Variants in METTL24 observed in about 807,000 individuals in gnomAD.
METTL24 encodes probable methyltransferase-like protein 24.
METTL24 carries 29 observed loss-of-function variants against 32.7 expected under a neutral mutation model. The ratio of observed to expected loss-of-function variants is 0.89; its 90% confidence interval spans 0.66 to 1.21. The LOEUF is 1.21. Ranked by LOEUF, METTL24 falls within the 50% of genes most tolerant of loss-of-function variation. The probability of loss-of-function intolerance (pLI) is 0.00; values close to 1 mark genes in which losing one functional copy is unlikely to be tolerated. For synonymous variants in METTL24, 163 were observed against 179.5 expected, an observed-to-expected ratio of 0.91 and a Z score of 0.73; for missense variants, 439 against 468.1, an observed-to-expected ratio of 0.94 and a Z score of 0.57.
At chr6:110,265,419 C>A (rs1418861533) in intron 4 of METTL24, among the ~76,000 whole-genome samples, 2 of 152,158 alleles carry the variant, frequency 1.3e-5, no homozygotes, top group Non-Finnish European at 1.5e-5. Context: ...CTGTTGCTTG[C>A]CCACGTATCC....
chr6:110,298,876 G>T, intron 4 of METTL24, 46 bp downstream of exon 4: 2 of 1,549,664 alleles, frequency 1.3e-6, no homozygotes, highest in Non-Finnish European at 1.8e-6. Context: ...AAAGCTGATG[G>T]GTTTGTTTAC....
intron 4 of METTL24, among the ~76,000 whole-genome samples, chr6:110,253,045 T>TAG (rs1778312158): frequency 6.6e-6 from 1 of 152,220 alleles, no homozygotes; most frequent in African/African-American, 2.4e-5. Context: ...GAAGTGATTC[T>TAG]AAGTGGCGTT....
intron 4 of METTL24, among the ~76,000 whole-genome samples, chr6:110,248,308 A>G (rs4947059): frequency 0.062 from 9,371 of 152,276 alleles, 373 homozygotes; most frequent in South Asian, 0.16. Flanking sequence ...GTGATTTCAG[A>G]GTTGAATGCA....
chr6:110,285,062 A>G (rs1196847925), intron 4 of METTL24, among the ~76,000 whole-genome samples: 1 of 152,246 alleles, frequency 6.6e-6, no homozygotes, highest in Non-Finnish European at 1.5e-5. Flanking sequence ...AAGTGCAGGC[A>G]TGTGCTATAA....
Position 110,245,451 on chromosome 6 carries a change from A to G in METTL24, c.*495T>C, listed in dbSNP as rs1257693622. On this transcript the variant is annotated 3_prime_UTR_variant, in exon 5 of 5. Transcript: ENST00000338882. ...GAAAGCCACAGCATGGCCTCAGCAAAGGCTGAGAAGGAATGACTGAAATCT... is the reference window on the plus strand; with the variant it reads ...GAAAGCCACAGCATGGCCTCAGCAAGGGCTGAGAAGGAATGACTGAAATCT... Among the ~76,000 whole-genome samples, 2 of 152,226 alleles carry G rather than the reference A, an allele frequency of 1.3e-5. No individual in the cohort carries two copies. Among genetic ancestry groups the G allele is most frequent in the Admixed American group, 6.5e-5 (1 of 15,278 alleles).
At chr6:110,325,282 T>C (rs543544541) in intron 1 of METTL24, among the ~76,000 whole-genome samples, 1 of 152,226 alleles carries the variant, frequency 6.6e-6, no homozygotes, top group Non-Finnish European at 1.5e-5. Flanking sequence ...ATCTTTTCTA[T>C]AATGGGTCAA....
At chr6:110,281,542 G>A (rs1241874570) in intron 4 of METTL24, among the ~76,000 whole-genome samples, 2 of 151,894 alleles carry the variant, frequency 1.3e-5, no homozygotes, top group Non-Finnish European at 2.9e-5. Flanking sequence ...TAAGGAGGCT[G>A]AGGTTGAACC....
At chr6:110,298,642 C>G (rs2114731482) in intron 4 of METTL24, among the ~76,000 whole-genome samples, 1 of 152,260 alleles carries the variant, frequency 6.6e-6, no homozygotes, top group South Asian at 2.1e-4. Context: ...ATTCTTCAGC[C>G]TGTGCCAGAA....
chr6:110,356,791 G>C (rs1369416840), intron 1 of METTL24, among the ~76,000 whole-genome samples: 1 of 152,212 alleles, frequency 6.6e-6, no homozygotes, highest in Non-Finnish European at 1.5e-5. Context: ...AGGAGGTGAG[G>C]TTTGCGAGAT....
chr6:110,265,185 GAAAGAAAGAAAGA>G (rs1770833077), intron 4 of METTL24, among the ~76,000 whole-genome samples: 1 of 129,268 alleles, frequency 7.7e-6, no homozygotes, highest in African/African-American at 3.0e-5. Context: ...AAGAAAGAAA[GAAAGAAAGAAAGA>G]AAGTTAATAT....
intron 3 of METTL24, among the ~76,000 whole-genome samples, chr6:110,307,845 C>T (rs1289666259): frequency 6.6e-6 from 1 of 152,190 alleles, no homozygotes; most frequent in South Asian, 2.1e-4. Context: ...AAGACAGCAA[C>T]CTCTCCCTCT....
At chr6:110,344,538 T>C (rs563310892) in intron 1 of METTL24, among the ~76,000 whole-genome samples, 17 of 152,244 alleles carry the variant, frequency 1.1e-4, no homozygotes, top group African/African-American at 4.1e-4. Flanking sequence ...CTTTTATTGA[T>C]GAAATAAAAA....
chr6:110,291,167 T>C (rs1225564805), intron 4 of METTL24, among the ~76,000 whole-genome samples: 2 of 152,204 alleles, frequency 1.3e-5, no homozygotes, highest in Non-Finnish European at 2.9e-5. Context: ...ACAATGTCTT[T>C]TGATGAGCAG....
rs370107977 is a variant in METTL24, at chr6:110,317,809, G to A, written c.418-2328C>T. ...GTCCGCCTACATCAGAATCACCTGG[G>A]AGGTACTTAAAATGCAGATTCCTGG... is the stretch of plus-strand genomic sequence containing the variant. On this transcript the variant is annotated intron_variant, in intron 2 of 4. Transcript: ENST00000338882. 6.4e-4 allele frequency among the ~76,000 whole-genome samples: 98 copies of A among 152,132 alleles called. 1 individual carries two copies. The highest frequency in any genetic ancestry group is 6.8e-3 in the Middle Eastern group (2 of 294).
intron 2 of METTL24, among the ~76,000 whole-genome samples, chr6:110,315,749 C>T (rs2076698): frequency 0.17 from 26,171 of 151,954 alleles, 2,981 homozygotes; most frequent in African/African-American, 0.3. Flanking sequence ...ACAGGGTGTG[C>T]AGGAGAGAAC....
In METTL24 at chr6:110,333,319, A is replaced by G. The variant is rs570268584; in HGVS notation, c.319-10447T>C. On this transcript the variant is annotated intron_variant, in intron 1 of 4. Transcript: ENST00000338882. ...AAATGGGGGTTGGCAGAGGGTGGGG[A>G]GGACATAAAAGCCACCAGTTTGCTC... 2.0e-5 allele frequency among the ~76,000 whole-genome samples: 3 copies of G among 152,274 alleles called. No homozygotes were observed. The East Asian group carries it at 5.8e-4, about 29-fold the overall frequency.
intron 4 of METTL24, among the ~76,000 whole-genome samples, chr6:110,274,009 G>A (rs933135131): frequency 1.3e-5 from 2 of 152,362 alleles, no homozygotes; most frequent in African/African-American, 4.8e-5. Flanking sequence ...TAAAGAAAAT[G>A]TGGTATCTAT....
chr6:110,283,242 A>C (rs1771167617), intron 4 of METTL24, among the ~76,000 whole-genome samples: 1 of 152,164 alleles, frequency 6.6e-6, no homozygotes, highest in African/African-American at 2.4e-5. Flanking sequence ...TATCTTACAT[A>C]CACTACACTT....
intron 1 of METTL24, 91 bp downstream of exon 1, chr6:110,357,864 G>T: frequency 1.5e-6 from 1 of 657,788 alleles, no homozygotes; most frequent in Non-Finnish European, 2.0e-6. Context: ...TCCCATCGAG[G>T]CGGCCTGCGG....
Sources: allele counts gnomAD v4.1 joint callset (sites outside exome capture counted in the v4.1 genomes callset), GRCh38; gene constraint gnomAD v4.1.1; transcripts MANE v1.5; gene names NCBI Gene and HGNC (gene_info 2026-07-23, HGNC 2026-07-21).